The following NTM variants were observed in gnomAD, a reference collection of about 807,000 sequenced individuals.
NTM encodes neurotrimin, also known as IgLON family member 2.
A neutral mutation model predicts 42.1 loss-of-function variants in NTM; 13 were observed. The ratio of observed to expected loss-of-function variants is 0.31; its 90% CI spans 0.20 to 0.49. The LOEUF (loss-of-function observed/expected upper bound fraction) is 0.49. NTM is among the 20% of genes least tolerant of loss of function. The pLI is 0.99. For missense variants in NTM, 373 were observed against 452.8 expected (o/e 0.82, Z 1.60); for synonymous variants, 187 against 179.2 (o/e 1.04, Z -0.35).
intron 2 of NTM, among the ~76,000 whole-genome samples, chr11:131,954,395 GGACAC>G (rs1209586318): frequency 6.6e-6 from 1 of 152,184 alleles, no homozygotes; most frequent in Non-Finnish European, 1.5e-5. Context: ...GCCTTCACCT[GGACAC>G]GATCAGGGAC....
intron 2 of NTM, among the ~76,000 whole-genome samples, chr11:131,987,459 T>C (rs2066267517): frequency 6.6e-6 from 1 of 152,024 alleles, no homozygotes; most frequent in Admixed American, 6.5e-5. Flanking sequence ...CCCATCACTT[T>C]TATCTTTCAA....
chr11:131,852,045 A>C (rs2136837456), intron 1 of NTM, among the ~76,000 whole-genome samples: 1 of 152,216 alleles, frequency 6.6e-6, no homozygotes, highest in East Asian at 1.9e-4. Context: ...CGCAGATAGA[A>C]TTGTCCTTGA....
At chr11:132,138,995 T>C (rs2068543829) in intron 2 of NTM, among the ~76,000 whole-genome samples, 1 of 152,164 alleles carries the variant, frequency 6.6e-6, no homozygotes, top group African/African-American at 2.4e-5. Context: ...TAGGGATCAC[T>C]CACTGAAGTC....
chr11:131,375,183 C>T (rs1009893029), intron 1 of NTM, among the ~76,000 whole-genome samples: 1 of 152,072 alleles, frequency 6.6e-6, no homozygotes, highest in African/African-American at 2.4e-5. Flanking sequence ...AAAATCTCTC[C>T]CTCTGCGGGC....
chr11:131,612,789 C>G (rs1174042178), intron 1 of NTM, among the ~76,000 whole-genome samples: 1 of 152,214 alleles, frequency 6.6e-6, no homozygotes, highest in African/African-American at 2.4e-5. Flanking sequence ...TGCAGGGCCC[C>G]ACTAAGAGCA....
At chr11:131,915,716 G>A (rs1437244809) in intron 2 of NTM, among the ~76,000 whole-genome samples, 1 of 152,086 alleles carries the variant, frequency 6.6e-6, no homozygotes, top group Non-Finnish European at 1.5e-5. Context: ...TCACAATCAT[G>A]GCAGAAGGCA....
intron 1 of NTM, among the ~76,000 whole-genome samples, chr11:131,494,443 C>T (rs889973778): frequency 1.5e-4 from 23 of 152,174 alleles, no homozygotes; most frequent in African/African-American, 5.1e-4. Flanking sequence ...GATACTAGCT[C>T]ATGCCTAATG....
chr11:131,966,718 G>C lies in NTM; in HGVS notation c.167+55070G>C, dbSNP rs61067031. On this transcript the variant is annotated intron_variant, in intron 2 of 8. Coordinates refer to ENST00000683400, the MANE Select transcript of NTM (RefSeq NM_001352005.2). ...GAGAGGTGACAGCAGTCTCGATCAG[G>C]TCAGGTCTCAGGGACCCTCTCACCA... 2.9e-3 allele frequency among the ~76,000 whole-genome samples: 446 copies of C among 152,282 alleles called. 2 individuals carry two copies. The highest frequency in any genetic ancestry group is 0.01 in the African/African-American group (431 of 41,536).
chr11:131,525,317 G>T (rs369586489), intron 1 of NTM, among the ~76,000 whole-genome samples: 1 of 152,134 alleles, frequency 6.6e-6, no homozygotes, highest in Non-Finnish European at 1.5e-5. Flanking sequence ...CTTATAATGC[G>T]CCGGAAATCG....
chr11:132,215,331 G>C (rs1273025410), intron 4 of NTM, among the ~76,000 whole-genome samples: 1 of 152,154 alleles, frequency 6.6e-6, no homozygotes, highest in Admixed American at 6.5e-5. Context: ...TCTCCAGACT[G>C]ATCTGTTTGT....
At chr11:132,141,261 C>T (rs2069080409) in intron 2 of NTM, among the ~76,000 whole-genome samples, 2 of 151,892 alleles carry the variant, frequency 1.3e-5, no homozygotes, top group Admixed American at 1.3e-4. Flanking sequence ...CCCTCTCTCT[C>T]CCCCCTACCC....
chr11:132,331,712 G>A (rs1012208544), intron 8 of NTM, among the ~76,000 whole-genome samples: 9 of 152,200 alleles, frequency 5.9e-5, no homozygotes, highest in African/African-American at 2.2e-4. Context: ...AGGGTGGTAA[G>A]TATTTTACTA....
intron 2 of NTM, among the ~76,000 whole-genome samples, chr11:132,136,711 A>G (rs1185416958): frequency 6.6e-6 from 1 of 152,146 alleles, no homozygotes; most frequent in Non-Finnish European, 1.5e-5. Flanking sequence ...TTGGTCTCCT[A>G]AGCTGTGATA....
chr11:131,512,728 G>A (rs2048414794), intron 1 of NTM, among the ~76,000 whole-genome samples: 1 of 152,104 alleles, frequency 6.6e-6, no homozygotes, highest in South Asian at 2.1e-4. Flanking sequence ...CTGGGCCACG[G>A]GATGCCTGGC....
chr11:131,822,089 C>T (rs1457471286), intron 1 of NTM, among the ~76,000 whole-genome samples: 1 of 152,160 alleles, frequency 6.6e-6, no homozygotes, highest in Admixed American at 6.5e-5. Context: ...GTTCAGAACC[C>T]ATTGTATGCT....
At chr11:131,440,372 A>G (rs2135970845) in intron 1 of NTM, among the ~76,000 whole-genome samples, 1 of 152,286 alleles carries the variant, frequency 6.6e-6, no homozygotes, top group African/African-American at 2.4e-5. Context: ...TTTGGTGAAG[A>G]TCCCTCAAGT....
At chr11:132,008,123 C>G (rs1356512222) in intron 2 of NTM, among the ~76,000 whole-genome samples, 5 of 152,146 alleles carry the variant, frequency 3.3e-5, no homozygotes, top group African/African-American at 9.7e-5. Flanking sequence ...TGTGACTAAG[C>G]AGGGAATTGG....
chr11:131,500,036 T>G (rs1378588517), intron 1 of NTM, among the ~76,000 whole-genome samples: 1 of 152,210 alleles, frequency 6.6e-6, no homozygotes, highest in African/African-American at 2.4e-5. Context: ...GGTCCCCCCA[T>G]GCCTGCCCTG....
chr11:131,533,328 C>T (rs757751301), intron 1 of NTM, among the ~76,000 whole-genome samples: 3 of 152,174 alleles, frequency 2.0e-5, no homozygotes, highest in Non-Finnish European at 2.9e-5. Flanking sequence ...TAGTAAGCGT[C>T]GAGCGTGATT....
Sources: gnomAD v4.1 joint callset for allele counts (sites outside exome capture counted in the v4.1 genomes callset) on GRCh38, gnomAD v4.1.1 for gene constraint, MANE v1.5 for transcripts, NCBI Gene and HGNC (gene_info 2026-07-23, HGNC 2026-07-21) for gene names.